CDK6: variants seen among roughly 807,000 people sequenced by gnomAD.
CDK6 encodes cyclin dependent kinase 6.
CDK6 carries 6 observed loss-of-function variants against 37.1 expected under a neutral mutation model. The ratio of observed to expected loss-of-function variants is 0.16; its 90% confidence interval spans 0.09 to 0.32. The LOEUF is 0.32. CDK6 is among the 10% of genes least tolerant of loss of function. The pLI, the probability that CDK6 is intolerant of heterozygous loss-of-function variation, is 1.00. For synonymous variants in CDK6, 160 were observed against 161.3 expected, an observed-to-expected ratio of 0.99 and a Z score of 0.06; for missense variants, 224 against 418.9, an observed-to-expected ratio of 0.53 and a Z score of 4.06.
Position 92,744,623 on chromosome 7 carries a change from ATGTT to A in CDK6, c.370-18834_370-18831del, listed in dbSNP as rs200579499. Among the ~76,000 whole-genome samples the A allele has an allele frequency of 8.1e-3, 1,233 of 152,326 alleles. 11 individuals are homozygous for A. Among genetic ancestry groups the A allele is most frequent in the Non-Finnish European group, 0.013 (898 of 68,018 alleles). On this transcript the variant is annotated intron_variant, in intron 3 of 7. Coordinates refer to ENST00000424848, the MANE Select transcript of CDK6 (RefSeq NM_001145306.2). The stretch of plus-strand genomic sequence containing the variant: ...ACTCATTGGTAAATGGGAGGATACT[ATGTT>A]TGTCTCATACACTATTAATCAGGTA...
chr7:92,618,408 C>A, intron 6 of CDK6: 2 of 527,772 alleles, frequency 3.8e-6, no homozygotes, highest in Non-Finnish European at 6.7e-6. Context: ...GGTAATCTCA[C>A]AGAAGAATTG....
chr7:92,673,589 T>C (rs2116609271), intron 4 of CDK6, among the ~76,000 whole-genome samples: 1 of 152,314 alleles, frequency 6.6e-6, no homozygotes, highest in Non-Finnish European at 1.5e-5. Context: ...TCACCTCCCA[T>C]AGAACTTCCA....
intron 4 of CDK6, among the ~76,000 whole-genome samples, chr7:92,686,815 T>G: frequency 6.6e-6 from 1 of 152,172 alleles, no homozygotes; most frequent in East Asian, 1.9e-4. Flanking sequence ...ATGGCCATTC[T>G]TGCAGGAGTA....
At chr7:92,743,910 A>G (rs931791621) in intron 3 of CDK6, among the ~76,000 whole-genome samples, 3 of 152,196 alleles carry the variant, frequency 2.0e-5, no homozygotes, top group Non-Finnish European at 4.4e-5. Context: ...GGGAAGGCAT[A>G]AGGAAGACTG....
intron 3 of CDK6, among the ~76,000 whole-genome samples, chr7:92,735,831 T>C (rs1314597122): frequency 1.3e-5 from 2 of 152,166 alleles, no homozygotes; most frequent in African/African-American, 4.8e-5. Context: ...AGTCTTTCTT[T>C]AGCAAAAAAG....
chr7:92,710,701 C>T (rs1798068661), intron 4 of CDK6: 7 of 985,096 alleles, frequency 7.1e-6, no homozygotes, highest in Non-Finnish European at 7.2e-6. Flanking sequence ...GCAGAATTGC[C>T]TAGGAAAGGA....
intron 3 of CDK6, among the ~76,000 whole-genome samples, chr7:92,757,074 G>A (rs942066921): frequency 6.6e-6 from 1 of 152,142 alleles, no homozygotes; most frequent in African/African-American, 2.4e-5. Flanking sequence ...AATGCAACCC[G>A]AGCCTTTTAA....
chr7:92,823,096 G>C (rs1022029037), intron 2 of CDK6, among the ~76,000 whole-genome samples: 2 of 129,256 alleles, frequency 1.5e-5, no homozygotes, highest in African/African-American at 2.8e-5. Context: ...CAACTAAAGT[G>C]AAAAAAAAAA....
chr7:92,782,766 C>T (rs571730329), intron 2 of CDK6, among the ~76,000 whole-genome samples: 1 of 152,256 alleles, frequency 6.6e-6, no homozygotes, highest in African/African-American at 2.4e-5. Context: ...CAGTGTTTTG[C>T]TTATCCAGCT....
chr7:92,821,854 G>A (rs1801182027), intron 2 of CDK6, among the ~76,000 whole-genome samples: 1 of 151,994 alleles, frequency 6.6e-6, no homozygotes, highest in Non-Finnish European at 1.5e-5. Flanking sequence ...GCCCCAAACA[G>A]AAGTAATGGG....
chr7:92,814,304 T>A (rs148451444), intron 2 of CDK6, among the ~76,000 whole-genome samples: 4 of 152,338 alleles, frequency 2.6e-5, no homozygotes, highest in African/African-American at 9.6e-5. Flanking sequence ...ATGGTTATAC[T>A]GTCCTCTAAA....
chr7:92,766,568 T>C (rs1368857842), intron 3 of CDK6, among the ~76,000 whole-genome samples: 2 of 152,096 alleles, frequency 1.3e-5, no homozygotes, highest in South Asian at 2.1e-4. Flanking sequence ...GATTAGAAAG[T>C]GTAGCCAAGG....
intron 2 of CDK6, among the ~76,000 whole-genome samples, chr7:92,821,281 T>G (rs1801165848): frequency 6.6e-6 from 1 of 152,204 alleles, no homozygotes; most frequent in Middle Eastern, 3.4e-3. Context: ...CCACCAGGCT[T>G]GAAAGTGAAG....
intron 5 of CDK6, among the ~76,000 whole-genome samples, chr7:92,664,243 T>C (rs1173738562): frequency 6.6e-6 from 1 of 150,640 alleles, no homozygotes; most frequent in Non-Finnish European, 1.5e-5. Flanking sequence ...CAACAAAAGG[T>C]AAGAAATCTG....
chr7:92,688,255 T>C (rs1414687102), intron 4 of CDK6, among the ~76,000 whole-genome samples: 2 of 152,166 alleles, frequency 1.3e-5, no homozygotes, highest in Admixed American at 6.5e-5. Context: ...TGGCCAACAG[T>C]TGATATTCCC....
intron 4 of CDK6, among the ~76,000 whole-genome samples, chr7:92,673,969 G>A (rs940896332): frequency 1.3e-5 from 2 of 151,652 alleles, no homozygotes; most frequent in Admixed American, 6.6e-5. Context: ...TAGTAGAGAC[G>A]GGGTTTCACC....
chr7:92,636,928 G>T (rs947390572), intron 5 of CDK6, among the ~76,000 whole-genome samples: 1 of 152,178 alleles, frequency 6.6e-6, no homozygotes, highest in South Asian at 2.1e-4. Flanking sequence ...GCCTCCCAAA[G>T]TGCTGGGATT....
intron 4 of CDK6, among the ~76,000 whole-genome samples, chr7:92,717,336 G>A: frequency 6.7e-6 from 1 of 148,778 alleles, no homozygotes; most frequent in East Asian, 2.0e-4. Context: ...AGCAAGACCT[G>A]GTCAAGGAAA....
At chr7:92,796,573 C>A (rs147127313) in intron 2 of CDK6, among the ~76,000 whole-genome samples, 2 of 152,060 alleles carry the variant, frequency 1.3e-5, no homozygotes, top group Admixed American at 1.3e-4. Flanking sequence ...TTCCCTTTTA[C>A]AATTGAAAGG....
Sources: gnomAD v4.1 joint callset for allele counts (sites outside exome capture counted in the v4.1 genomes callset) on GRCh38, gnomAD v4.1.1 for gene constraint, MANE v1.5 for transcripts, NCBI Gene and HGNC (gene_info 2026-07-23, HGNC 2026-07-21) for gene names.